Variants in ZNF169 observed in about 807,000 individuals in gnomAD.
ZNF169 encodes zinc finger protein 169.
ZNF169 carries 11 observed loss-of-function variants against 12.0 expected under a neutral mutation model. The observed-to-expected ratio is 0.92, with a 90% CI of 0.58 to 1.52. The LOEUF is 1.52. Among genes scored for constraint, ZNF169 ranks in the 40% most tolerant of loss-of-function variants. The pLI, the probability that ZNF169 is intolerant of heterozygous loss-of-function variation, is 0.00. For synonymous variants in ZNF169, 302 were observed against 286.5 expected (o/e 1.05, Z -0.55); for missense variants, 722 against 744.0 (o/e 0.97, Z 0.34).
chr9:94,299,716 G>A (rs1831016155), intron 4 of ZNF169, 99 bp from the exon 5 acceptor site: 1 of 1,500,690 alleles, frequency 6.7e-7, no homozygotes, highest in Non-Finnish European at 8.8e-7. Context: ...TGGGTTGGAA[G>A]ATAAGTCTTT....
At chr9:94,277,167 C>T (rs1346465912) in intron 1 of ZNF169, among the ~76,000 whole-genome samples, 1 of 152,102 alleles carries the variant, frequency 6.6e-6, no homozygotes. Context: ...TTCTGGTTGA[C>T]GGTTGACAAT....
intron 1 of ZNF169, among the ~76,000 whole-genome samples, chr9:94,274,225 A>G (rs1830481113): frequency 6.6e-6 from 1 of 152,070 alleles, no homozygotes; most frequent in Non-Finnish European, 1.5e-5. Flanking sequence ...TAAAGACCTC[A>G]CCTCCGAAGA....
chr9:94,261,122 A>G (rs1173169707), intron 1 of ZNF169, among the ~76,000 whole-genome samples: 1 of 151,696 alleles, frequency 6.6e-6, no homozygotes, highest in Non-Finnish European at 1.5e-5. Flanking sequence ...GCTCACTGCA[A>G]ACTCCGCCTC....
At chr9:94,291,430 AC>A (rs1172312847) in intron 2 of ZNF169, among the ~76,000 whole-genome samples, 2 of 152,190 alleles carry the variant, frequency 1.3e-5, no homozygotes, top group African/African-American at 4.8e-5. Flanking sequence ...ATCTGTTCTT[AC>A]CACTCTCATT....
chr9:94,275,958 G>C (rs1231430726), intron 1 of ZNF169, among the ~76,000 whole-genome samples: 1 of 151,716 alleles, frequency 6.6e-6, no homozygotes, highest in Non-Finnish European at 1.5e-5. Flanking sequence ...ATTTTTAGTA[G>C]AGACAGGGTT....
At chr9:94,275,450 T>G (rs1260841974) in intron 1 of ZNF169, among the ~76,000 whole-genome samples, 1 of 152,196 alleles carries the variant, frequency 6.6e-6, no homozygotes, top group Admixed American at 6.5e-5. Flanking sequence ...CTTGTTGGGT[T>G]TGGTGTTCTG....
intron 1 of ZNF169, among the ~76,000 whole-genome samples, chr9:94,276,818 A>G (rs1056017381): frequency 6.6e-6 from 1 of 152,206 alleles, no homozygotes; most frequent in Non-Finnish European, 1.5e-5. Flanking sequence ...AGTTGCAAAC[A>G]TGTTAGTTCA....
At chr9:94,285,337 G>A (rs773498948) in intron 2 of ZNF169, among the ~76,000 whole-genome samples, 1 of 152,136 alleles carries the variant, frequency 6.6e-6, no homozygotes, top group Admixed American at 6.6e-5. Flanking sequence ...AGAAATGAGT[G>A]AACTAGAAGA....
At chr9:94,260,177 C>A (rs773013005) in intron 1 of ZNF169, among the ~76,000 whole-genome samples, 1 of 152,258 alleles carries the variant, frequency 6.6e-6, no homozygotes, top group South Asian at 2.1e-4. Flanking sequence ...CTCAGGCTCC[C>A]GAGTAGCTGG....
At chr9:94,290,508 G>A (rs957539722) in intron 2 of ZNF169, among the ~76,000 whole-genome samples, 2 of 150,804 alleles carry the variant, frequency 1.3e-5, no homozygotes, top group African/African-American at 4.9e-5. Context: ...TTGTCCTTTT[G>A]TGACTGGCTT....
In ZNF169 at chr9:94,270,713, T is replaced by C. The variant is rs1166607777; in HGVS notation, c.-55-8045T>C. 2.3e-4 allele frequency among the ~76,000 whole-genome samples: 7 copies of C among 31,068 alleles called. 1 individual carries two copies. In the South Asian group the frequency reaches 7.9e-3, roughly 35 times the overall value. The allele number at this position is 31,068 out of a possible 152,430, so 20.4% of individuals were successfully genotyped here. On this transcript the variant is annotated intron_variant, in intron 1 of 4. Coordinates refer to ENST00000395395, the MANE Select transcript of ZNF169 (RefSeq NM_194320.4). Reference sequence around the variant, plus strand: ...ATATATAATTTATATAATTATATAATATATAATATTATATATTATATAATT... The same window carrying C: ...ATATATAATTTATATAATTATATAACATATAATATTATATATTATATAATT...
chr9:94,292,192 G>A (rs895668839), intron 2 of ZNF169, 149 bp from the exon 3 acceptor site: 26 of 1,284,142 alleles, frequency 2.0e-5, no homozygotes, highest in Middle Eastern at 2.8e-4. Flanking sequence ...TGAATATATG[G>A]AACCAGGTTT....
chr9:94,274,602 A>G (rs1830489263), intron 1 of ZNF169, among the ~76,000 whole-genome samples: 1 of 152,202 alleles, frequency 6.6e-6, no homozygotes, highest in Non-Finnish European at 1.5e-5. Context: ...TAGGTTGACA[A>G]TGCATTCAAT....
chr9:94,278,765 T>G lies in ZNF169; in HGVS notation c.-48T>G. 1 of 1,601,894 alleles carries G rather than the reference T, an allele frequency of 6.2e-7. No individual in the cohort carries two copies. Among genetic ancestry groups the G allele is most frequent in the Non-Finnish European group, 8.5e-7 (1 of 1,171,102 alleles). On this transcript the variant is annotated 5_prime_UTR_variant, in exon 2 of 5. Transcript: ENST00000395395. The stretch of plus-strand genomic sequence containing the variant: ...TCTCATCTCTTTCCCCAGATTTGCC[T>G]CTGCAACTTGACTCTCCTCTAGGAA...
intron 1 of ZNF169, among the ~76,000 whole-genome samples, chr9:94,274,206 T>TTC (rs1411775133): frequency 6.6e-6 from 1 of 152,188 alleles, no homozygotes; most frequent in Admixed American, 6.5e-5. Flanking sequence ...TTTTACTTAG[T>TTC]TATCTCTTTA....
chr9:94,260,437 G>T (rs994163551), intron 1 of ZNF169, among the ~76,000 whole-genome samples: 2 of 152,016 alleles, frequency 1.3e-5, no homozygotes, highest in Admixed American at 6.6e-5. Context: ...CCGGGTTTGT[G>T]GGGGAGGATT....
Position 94,300,058 on chromosome 9 carries a change from C to A in ZNF169, c.500C>A (p.Pro167Gln). Residue 167 changes from proline (P) to glutamine (Q), a missense_variant, in exon 5 of 5, where the codon CCA becomes CAA. Pro to Gln is a moderately conservative substitution (Grantham distance 76). Transcript: ENST00000395395. ...AGAATTTCTAGGACATTCTTCAGCC[C>A]ACATCAAGGTGACCCAGTAGAATGG... is the stretch of plus-strand genomic sequence containing the variant. The part of the protein sequence containing the change: ...PSRISRTFFS[P>Q]HQGDPVEWVE... 1 of 1,614,048 alleles carries A rather than the reference C, an allele frequency of 6.2e-7. No homozygotes were observed. Among genetic ancestry groups the A allele is most frequent in the Non-Finnish European group, 8.5e-7 (1 of 1,180,022 alleles).
At chr9:94,260,812 ATTTTTTTT>A (rs561717345) in intron 1 of ZNF169, among the ~76,000 whole-genome samples, 4 of 70,082 alleles carry the variant, frequency 5.7e-5, no homozygotes, top group African/African-American at 1.2e-4. Flanking sequence ...CCAAACCTAC[ATTTTTTTT>A]TTTTTTTTTT....
intron 1 of ZNF169, among the ~76,000 whole-genome samples, chr9:94,269,670 GTT>G (rs1830357198): frequency 6.6e-6 from 1 of 152,126 alleles, no homozygotes; most frequent in Non-Finnish European, 1.5e-5. Context: ...GAGGAAGAGA[GTT>G]TTTATTTCTG....
Sources: gnomAD v4.1 joint callset for allele counts (sites outside exome capture counted in the v4.1 genomes callset) on GRCh38, gnomAD v4.1.1 for gene constraint, MANE v1.5 for transcripts, NCBI Gene and HGNC (gene_info 2026-07-23, HGNC 2026-07-21) for gene names.